Variants in ROBO2 observed in about 807,000 individuals in gnomAD.
ROBO2 encodes roundabout guidance receptor 2.
In ROBO2, 53 loss-of-function variants were observed where a neutral mutation model predicts 160.8. The ratio of observed to expected loss-of-function variants is 0.33; its 90% CI spans 0.26 to 0.41. The LOEUF (loss-of-function observed/expected upper bound fraction) is 0.41. ROBO2 is among the 10% of genes least tolerant of loss of function. The pLI is 1.00. For missense variants in ROBO2, 1,577 were observed against 1,722.4 expected (o/e 0.92, Z 1.49); for synonymous variants, 664 against 611.7 (o/e 1.09, Z -1.26).
intron 2 of ROBO2, among the ~76,000 whole-genome samples, chr3:76,116,019 T>G (rs1437424060): frequency 6.6e-6 from 1 of 152,168 alleles, no homozygotes; most frequent in Non-Finnish European, 1.5e-5. Flanking sequence ...TTAACTGGTT[T>G]TAACCAAAGT....
At chr3:77,448,761 TTGCCTG>T (rs60604312) in intron 2 of ROBO2, among the ~76,000 whole-genome samples, 29,730 of 151,692 alleles carry the variant, frequency 0.2, 3,654 homozygotes, top group Middle Eastern at 0.28. Flanking sequence ...TATTGAACTT[TTGCCTG>T]TAAGAGTCAC....
intron 20 of ROBO2, chr3:77,603,207 C>T (rs180940534): frequency 2.6e-6 from 1 of 382,252 alleles, no homozygotes; most frequent in Non-Finnish European, 5.3e-6. Flanking sequence ...TGAAATCATG[C>T]CTTGGTGGGA....
chr3:76,222,437 G>A (rs890509268), intron 2 of ROBO2, among the ~76,000 whole-genome samples: 2 of 152,170 alleles, frequency 1.3e-5, no homozygotes, highest in Non-Finnish European at 2.9e-5. Flanking sequence ...AGGCTTATAC[G>A]TTGGCATAAT....
At chr3:76,861,563 C>T (rs2070780506) in intron 2 of ROBO2, among the ~76,000 whole-genome samples, 1 of 152,092 alleles carries the variant, frequency 6.6e-6, no homozygotes, top group Admixed American at 6.6e-5. Context: ...CCCTCCAGGG[C>T]CATCATGTCT....
At position 76,013,168 on chromosome 3, in the gene ROBO2, C is replaced by T. The variant is rs184121916; in HGVS notation, c.109+75566C>T. Among the ~76,000 whole-genome samples the T allele has an allele frequency of 4.8e-4, 65 of 134,934 alleles. 1 individual carries two copies. Among genetic ancestry groups the T allele is most frequent in the African/African-American group, 1.6e-3 (57 of 35,626 alleles). The allele number at this position is 134,934 out of a possible 152,430, so 88.5% of individuals were successfully genotyped here. ...GGCAATTGGAGGCTGGGCACGGTGG[C>T]TTATGCGTGTAATCCCAGAAGTAAT... On this transcript the variant is annotated intron_variant, in intron 2 of 26. Coordinates refer to the ROBO2 transcript ENST00000487694.
intron 2 of ROBO2, among the ~76,000 whole-genome samples, chr3:76,695,704 T>C (rs929014802): frequency 6.6e-6 from 1 of 152,136 alleles, no homozygotes; most frequent in Non-Finnish European, 1.5e-5. Flanking sequence ...TTAGCTCTCA[T>C]AACCATTCAG....
chr3:77,377,936 G>A (rs779764996), intron 2 of ROBO2, among the ~76,000 whole-genome samples: 16 of 152,130 alleles, frequency 1.1e-4, no homozygotes, highest in Non-Finnish European at 2.1e-4. Context: ...AGATGCCAGA[G>A]GTGAGGGATA....
At chr3:76,657,238 A>T (rs1002132114) in intron 2 of ROBO2, among the ~76,000 whole-genome samples, 8 of 151,872 alleles carry the variant, frequency 5.3e-5, no homozygotes, top group African/African-American at 1.9e-4. Context: ...ATCCTGGCTA[A>T]CACGGTGAAA....
intron 2 of ROBO2, among the ~76,000 whole-genome samples, chr3:76,010,814 A>T (rs186112033): frequency 6.6e-6 from 1 of 152,374 alleles, no homozygotes; most frequent in East Asian, 1.9e-4. Context: ...AAACCATCAC[A>T]TAAATATAAA....
chr3:76,630,761 T>A (rs1369568448), intron 2 of ROBO2, among the ~76,000 whole-genome samples: 1 of 152,204 alleles, frequency 6.6e-6, no homozygotes, highest in Admixed American at 6.5e-5. Context: ...AAAAAATAAA[T>A]GTTTTTTTAA....
At chr3:75,951,431 T>C (rs1439964953) in intron 2 of ROBO2, among the ~76,000 whole-genome samples, 1 of 152,046 alleles carries the variant, frequency 6.6e-6, no homozygotes, top group African/African-American at 2.4e-5. Context: ...ACTTCAAAAA[T>C]GCCAAAACAA....
At chr3:76,943,037 T>C (rs1025147129) in intron 2 of ROBO2, among the ~76,000 whole-genome samples, 8 of 152,212 alleles carry the variant, frequency 5.3e-5, no homozygotes, top group Admixed American at 2.0e-4. Flanking sequence ...TTTAGAACAA[T>C]GTTTCTCCTC....
At chr3:77,541,196 A>T (rs1021967127) in intron 6 of ROBO2, among the ~76,000 whole-genome samples, 1 of 152,208 alleles carries the variant, frequency 6.6e-6, no homozygotes, top group Non-Finnish European at 1.5e-5. Flanking sequence ...TAGCTGTTGC[A>T]TGACTCTCTC....
chr3:77,055,019 A>T (rs1035725607), intron 1 of ROBO2, among the ~76,000 whole-genome samples: 1 of 151,618 alleles, frequency 6.6e-6, no homozygotes, highest in Non-Finnish European at 1.5e-5. Context: ...AAGTCCCTAC[A>T]TGTTAATTGT....
At chr3:76,975,006 C>T (rs760303089) in intron 2 of ROBO2, among the ~76,000 whole-genome samples, 13 of 152,012 alleles carry the variant, frequency 8.6e-5, no homozygotes, top group Non-Finnish European at 1.5e-4. Context: ...TATGATATAA[C>T]AAGAAGATAC....
chr3:77,169,064 G>T (rs1329289717), intron 2 of ROBO2, among the ~76,000 whole-genome samples: 2 of 152,168 alleles, frequency 1.3e-5, no homozygotes, highest in East Asian at 1.9e-4. Flanking sequence ...CTCTCCACTT[G>T]TTTAATATAA....
chr3:77,610,334 C>G (rs1303825400), intron 21 of ROBO2, among the ~76,000 whole-genome samples: 1 of 151,958 alleles, frequency 6.6e-6, no homozygotes, highest in Non-Finnish European at 1.5e-5. Flanking sequence ...GCTCTCCATA[C>G]TTATTAGAGA....
intron 2 of ROBO2, among the ~76,000 whole-genome samples, chr3:76,340,564 C>G (rs538911040): frequency 3.3e-5 from 5 of 152,196 alleles, no homozygotes; most frequent in African/African-American, 9.6e-5. Context: ...AATGGTGTAT[C>G]TCAACATTTT....
intron 2 of ROBO2, among the ~76,000 whole-genome samples, chr3:77,421,901 T>C (rs2077749380): frequency 6.6e-6 from 1 of 152,156 alleles, no homozygotes; most frequent in Admixed American, 6.5e-5. Flanking sequence ...TGTCTAAAAA[T>C]GTTATTTCCT....
Sources: allele counts gnomAD v4.1 joint callset (sites outside exome capture counted in the v4.1 genomes callset), GRCh38; gene constraint gnomAD v4.1.1; transcripts MANE v1.5; gene names NCBI Gene and HGNC (gene_info 2026-07-23, HGNC 2026-07-21).